The following STIM1 variants were observed in gnomAD, a reference collection of about 807,000 sequenced individuals.
The protein encoded by STIM1 is stromal interaction molecule 1.
In STIM1, 25 loss-of-function variants were observed where a neutral mutation model predicts 74.7. That is an observed-to-expected ratio of 0.33 (90% CI 0.24 to 0.47). The LOEUF (loss-of-function observed/expected upper bound fraction) is 0.47, where lower values mean the gene tolerates loss of function less well. Among genes scored for constraint, STIM1 ranks in the 20% least tolerant of loss-of-function variants. The probability of loss-of-function intolerance (pLI) is 1.00; values close to 1 mark genes in which losing one functional copy is unlikely to be tolerated. For missense variants in STIM1, 728 were observed against 920.8 expected (o/e 0.79, Z 2.71); for synonymous variants, 328 against 348.8 (o/e 0.94, Z 0.66).
At chr11:3,951,294 C>T (rs2093144827) in intron 1 of STIM1, among the ~76,000 whole-genome samples, 1 of 152,186 alleles carries the variant, frequency 6.6e-6, no homozygotes, top group South Asian at 2.1e-4. Flanking sequence ...TTGACTGCAA[C>T]ATTGTTTAGT....
At chr11:3,855,605 G>GGCCCCC, upstream of STIM1, 1 of 139,204 alleles carries the variant, frequency 7.2e-6, no homozygotes, top group Non-Finnish European at 1.6e-5. Context: ...CGCGGGGCGG[G>GGCCCCC]CGCGGAGACG....
intron 2 of STIM1, among the ~76,000 whole-genome samples, chr11:4,004,888 A>G (rs918074462): frequency 2.6e-5 from 4 of 152,230 alleles, no homozygotes; most frequent in African/African-American, 9.6e-5. Flanking sequence ...ACAAACTTAC[A>G]AGAAAAAAAC....
rs183354609 is a variant in STIM1 at position 3,945,363 on chromosome 11, G to A, written c.140-22189G>A. ...AGGCTGAGGCGGGTGGATCACCTGC[G>A]GTCAAGAGTTTGAGATCAGCCTGGC... On this transcript the variant is annotated intron_variant, in intron 1 of 12. Coordinates refer to ENST00000526596, the MANE Select transcript of STIM1 (RefSeq NM_001382567.1). Among the ~76,000 whole-genome samples, 367 of 151,920 alleles carry A rather than the reference G, an allele frequency of 2.4e-3. 2 individuals carry two copies. The highest frequency in any genetic ancestry group is 8.5e-3 in the African/African-American group (350 of 41,414).
intron 1 of STIM1, among the ~76,000 whole-genome samples, chr11:3,881,716 C>T (rs2091510377): frequency 6.6e-6 from 1 of 151,778 alleles, no homozygotes; most frequent in Non-Finnish European, 1.5e-5. Flanking sequence ...TGGAATCTCG[C>T]TCTGTAGCCC....
At chr11:3,857,099 T>TG (rs2090408559) in intron 1 of STIM1, among the ~76,000 whole-genome samples, 1 of 109,796 alleles carries the variant, frequency 9.1e-6, no homozygotes, top group Non-Finnish European at 2.1e-5. Context: ...GCTACAGGTT[T>TG]TTTTTTTTGT....
rs778297119 is a variant in STIM1, at chr11:3,856,362, C to T, written c.92C>T (p.Ala31Val). 5.6e-6 allele frequency: 9 copies of T among 1,614,038 alleles called. 1 individual carries two copies. The Admixed American group carries it at 1.3e-4, about 24-fold the overall frequency. ...QSLSHSHSEKATGTSSGANSE... is the reference protein window; with the variant it reads ...QSLSHSHSEKVTGTSSGANSE... ...CTCAGCCATAGTCACAGTGAGAAGG[C>T]GACAGGAACCAGCTCGGGGGCCAAC... The change falls in exon 1 of 13, where the codon GCG becomes GTG. Residue 31 changes from alanine (A) to valine (V), a missense_variant. By Grantham distance (64) the Ala-to-Val change is moderately conservative (BLOSUM62 0). This residue lies in a region of STIM1 where 62 missense variants were observed against 55.5 expected (regional missense o/e 1.12). Coordinates refer to ENST00000526596, the MANE Select transcript of STIM1 (RefSeq NM_001382567.1).
chr11:4,093,034 T>G lies in STIM1; in HGVS notation c.*1236T>G, dbSNP rs202055835. The G allele has an allele frequency of 1.4e-5, 2 of 147,676 alleles. No homozygotes were observed. The highest frequency in any genetic ancestry group is 3.0e-5 in the Non-Finnish European group (2 of 66,468). The allele number at this position is 147,676 out of a possible 1,614,324, so 9.1% of individuals were successfully genotyped here. On this transcript the variant is annotated 3_prime_UTR_variant, in exon 13 of 13. Coordinates refer to ENST00000526596, the MANE Select transcript of STIM1 (RefSeq NM_001382567.1). ...TTTTCCTCTGCCCCACTCCCTGCCA[T>G]ACCTTTATCCTGGGATCCTATTTTG...
At chr11:3,937,072 G>A (rs2092941089) in intron 1 of STIM1, among the ~76,000 whole-genome samples, 1 of 151,874 alleles carries the variant, frequency 6.6e-6, no homozygotes, top group African/African-American at 2.4e-5. Context: ...TTGGGAGGCC[G>A]AGGAGTCCAG....
chr11:3,972,764 C>T (rs998021327), intron 2 of STIM1: 13 of 452,998 alleles, frequency 2.9e-5, no homozygotes, highest in African/African-American at 2.4e-4. Context: ...TTTGTCACTT[C>T]TCTGGCTCTC....
At chr11:3,952,427 C>T (rs764593573) in intron 1 of STIM1, among the ~76,000 whole-genome samples, 1 of 151,912 alleles carries the variant, frequency 6.6e-6, no homozygotes, top group African/African-American at 2.4e-5. Flanking sequence ...TAAAGTCTTC[C>T]AGGTTAAGCA....
intron 1 of STIM1, among the ~76,000 whole-genome samples, chr11:3,856,835 A>G (rs2090391919): frequency 1.3e-5 from 2 of 152,108 alleles, no homozygotes; most frequent in Non-Finnish European, 2.9e-5. Context: ...AGGCTGGGCC[A>G]CCTCTGTTGC....
rs534417618 is a variant in STIM1, at chr11:4,086,921, G to GT, written c.1634+381dup. 4.2e-5 allele frequency: 63 copies of GT among 1,489,890 alleles called. No individual in the cohort carries two copies. The African/African-American group carries it at 7.9e-4, about 19-fold the overall frequency. 92.3% of individuals were successfully genotyped at this position (1,489,890 alleles called of 1,614,324 possible). On this transcript the variant is annotated intron_variant, in intron 12 of 12. Transcript: ENST00000526596. ...TTCCCTTTCTGCTGCTTTTACCTTG[G>GT]TTTCTGCCTGCCAGCTGCTGCTTGA...
chr11:4,018,645 C>CAAA (rs576391881), intron 2 of STIM1, among the ~76,000 whole-genome samples: 2,976 of 55,202 alleles, frequency 0.054, 166 homozygotes, highest in African/African-American at 0.15. Context: ...AACTCTGTCT[C>CAAA]AAAAAAAAAA....
chr11:4,084,866 G>C (rs1200758515), intron 11 of STIM1, 101 bp downstream of exon 11: 1 of 934,654 alleles, frequency 1.1e-6, no homozygotes, highest in African/African-American at 1.7e-5. Flanking sequence ...TCACGCCCCT[G>C]CCTGCTCCCT....
chr11:3,869,092 C>T (rs928872029), intron 1 of STIM1, among the ~76,000 whole-genome samples: 2 of 152,136 alleles, frequency 1.3e-5, no homozygotes, highest in Non-Finnish European at 2.9e-5. Context: ...CCTCAGCCTC[C>T]CGAGTAGCGG....
At chr11:3,974,061 C>G in intron 2 of STIM1, 2 of 703,308 alleles carry the variant, frequency 2.8e-6, no homozygotes, top group Non-Finnish European at 5.2e-6. Context: ...GCATATGTGA[C>G]AAACCCAAAG....
chr11:3,966,045 A>C (rs145422429), intron 1 of STIM1, among the ~76,000 whole-genome samples: 1,797 of 152,008 alleles, frequency 0.012, 29 homozygotes, highest in African/African-American at 0.04. Flanking sequence ...ACCAAAAAAA[A>C]CCCCATTTCT....
At chr11:3,890,205 A>G (rs993936099) in intron 1 of STIM1, among the ~76,000 whole-genome samples, 4 of 152,168 alleles carry the variant, frequency 2.6e-5, no homozygotes, top group Non-Finnish European at 5.9e-5. Context: ...CATTATCTGT[A>G]AAACAAGCCT....
At chr11:3,957,345 C>T (rs1013623549) in intron 1 of STIM1, among the ~76,000 whole-genome samples, 2 of 151,764 alleles carry the variant, frequency 1.3e-5, no homozygotes, top group East Asian at 3.9e-4. Flanking sequence ...CAGCCTCTGC[C>T]TCCTGGTTTC....
Sources: gnomAD v4.1 joint callset for allele counts (sites outside exome capture counted in the v4.1 genomes callset) on GRCh38, gnomAD v4.1.1 for gene constraint, gnomAD v4.1.1 regional missense constraint, MANE v1.5 for transcripts, NCBI Gene and HGNC (gene_info 2026-07-23, HGNC 2026-07-21) for gene names.